Variants in GRIN2D observed in about 807,000 individuals in gnomAD.
The protein encoded by GRIN2D is glutamate receptor ionotropic, NMDA 2D.
In GRIN2D, 37 loss-of-function variants were observed where a neutral mutation model predicts 103.2. That is an observed-to-expected ratio of 0.36 (90% CI 0.28 to 0.47). The LOEUF is 0.47. Among genes scored for constraint, GRIN2D ranks in the 20% least tolerant of loss-of-function variants. GRIN2D has a pLI of 1.00. For synonymous variants in GRIN2D, 845 were observed against 885.6 expected, an observed-to-expected ratio of 0.95 and a Z score of 0.81; for missense variants, 1,557 against 1,910.6, an observed-to-expected ratio of 0.81 and a Z score of 3.45.
chr19:48,441,699 G>GAGGTTAC, intron 11 of GRIN2D, 70 bp from the exon 12 acceptor site: 1 of 1,295,694 alleles, frequency 7.7e-7, no homozygotes, highest in South Asian at 1.4e-5. Context: ...TACAGGTGAG[G>GAGGTTAC]AGGTTCCAGG....
At chr19:48,440,565 C>T (rs2147473598) in intron 11 of GRIN2D, among the ~76,000 whole-genome samples, 1 of 152,292 alleles carries the variant, frequency 6.6e-6, no homozygotes, top group East Asian at 1.9e-4. Flanking sequence ...TGCATTCCAG[C>T]TTGGGCAACA....
chr19:48,409,012 G>C (rs145126312), intron 4 of GRIN2D, among the ~76,000 whole-genome samples: 20 of 152,094 alleles, frequency 1.3e-4, no homozygotes, highest in Admixed American at 3.3e-4. Context: ...AAATTTGTTG[G>C]CTCTTGGTTC....
Position 48,421,948 on chromosome 19 carries a change from C to G in GRIN2D, c.2252+3C>G, listed in dbSNP as rs1971030038. The G allele has an allele frequency of 2.5e-6, 4 of 1,613,424 alleles. No homozygotes were observed. The highest frequency in any genetic ancestry group is 1.3e-5 in the African/African-American group (1 of 74,910). On this transcript the variant is annotated splice_donor_region_variant and intron_variant, in intron 11 of 13. Transcript: ENST00000263269. The surrounding 1 kb of genome is among the most constrained non-coding windows in gnomAD (Gnocchi z 4.8). ...GCGCTCACTCAGCTCAAGGCAGGGTCAGCGCAGACTCGGGCCGGGGGTGGG... is the reference window on the plus strand; with the variant it reads ...GCGCTCACTCAGCTCAAGGCAGGGTGAGCGCAGACTCGGGCCGGGGGTGGG...
At chr19:48,434,186 G>A (rs1332770462) in intron 11 of GRIN2D, among the ~76,000 whole-genome samples, 2 of 152,010 alleles carry the variant, frequency 1.3e-5, no homozygotes, top group East Asian at 1.9e-4. Flanking sequence ...TCCTGACCTC[G>A]TGATCCGCCT....
chr19:48,427,156 C>T (rs1971096165), intron 11 of GRIN2D, among the ~76,000 whole-genome samples: 1 of 151,494 alleles, frequency 6.6e-6, no homozygotes, highest in Non-Finnish European at 1.5e-5. Flanking sequence ...CCTGTCTCTA[C>T]AAAAAAATAC....
rs570250604 is a variant in GRIN2D at position 48,396,088 on chromosome 19, C to T, written c.-27+1152C>T. On this transcript the variant is annotated intron_variant, in intron 2 of 13. Transcript: ENST00000263269. ...AGGCTGGGAGCTCAGTCTCCTGAGTCCCTGACAGGGCAGGAGATGAGTGTT... is the reference window on the plus strand; with the variant it reads ...AGGCTGGGAGCTCAGTCTCCTGAGTTCCTGACAGGGCAGGAGATGAGTGTT... Among the ~76,000 whole-genome samples, 3 of 152,222 alleles carry T rather than the reference C, an allele frequency of 2.0e-5. No homozygotes were observed. In the South Asian group the frequency reaches 6.2e-4, roughly 32 times the overall value.
At chr19:48,433,138 A>C (rs1199075978) in intron 11 of GRIN2D, among the ~76,000 whole-genome samples, 1 of 146,822 alleles carries the variant, frequency 6.8e-6, no homozygotes, top group East Asian at 2.2e-4. Flanking sequence ...GAGGACGAGA[A>C]GGGCGGATTG....
chr19:48,405,958 G>A lies in GRIN2D; in HGVS notation c.1085+605G>A, dbSNP rs1970787200. Among the ~76,000 whole-genome samples, 1 of 152,122 alleles carries A rather than the reference G, an allele frequency of 6.6e-6. No individual in the cohort carries two copies. Among genetic ancestry groups the A allele is most frequent in the South Asian group, 2.1e-4 (1 of 4,824 alleles). Reference sequence around the variant, plus strand: ...TGAGAAGGGGAAAAGAGAGGAAGTGGACAGCAAGCACTTTCCTTTTGAGTA... The same window carrying A: ...TGAGAAGGGGAAAAGAGAGGAAGTGAACAGCAAGCACTTTCCTTTTGAGTA... On this transcript the variant is annotated intron_variant, in intron 4 of 13. Coordinates refer to ENST00000263269, the MANE Select transcript of GRIN2D (RefSeq NM_000836.4). This position sits in a 1 kb window ranked among gnomAD's most constrained non-coding sequence, Gnocchi z 5.1.
Position 48,442,639 on chromosome 19 carries a change from C to A in GRIN2D, c.2713C>A (p.Pro905Thr). 1 of 1,489,988 alleles carries A rather than the reference C, an allele frequency of 6.7e-7. No homozygotes were observed. The highest frequency in any genetic ancestry group is 8.9e-7 in the Non-Finnish European group (1 of 1,121,474). The allele number at this position is 1,489,988 out of a possible 1,614,324, so 92.3% of individuals were successfully genotyped here. The change falls in exon 14 of 14, where the codon CCC becomes ACC. Residue 905 changes from proline to threonine, a missense_variant. By Grantham distance (38) the Pro-to-Thr change is conservative (BLOSUM62 -1). Around this residue, in one of 7 missense-constraint regions of GRIN2D, gnomAD observed 632 missense variants for 572.8 expected, o/e 1.10. Transcript: ENST00000263269. The surrounding 1 kb of genome is among the most constrained non-coding windows in gnomAD (Gnocchi z 7.2). ...CTGCAGCGCTGAGGCCGCCCCACCG[C>A]CCGCCAAGCCCCCGCCGCCGCCACA... ...SCCSAEAAPP[P>T]AKPPPPPQPL...
chr19:48,443,682 G>T lies in GRIN2D; in HGVS notation c.3756G>T (p.Arg1252Ser). 1 of 1,220,378 alleles carries T rather than the reference G, an allele frequency of 8.2e-7. No individual in the cohort carries two copies. The allele number at this position is 1,220,378 out of a possible 1,614,324, so 75.6% of individuals were successfully genotyped here. The stretch of plus-strand genomic sequence containing the variant: ...CCGCCGCCGCGCCCCACCACCACAG[G>T]CACCGGCGCGCCGCTGGGGGCTGGG... Reference protein sequence around the residue: ...TPAAAAPHHHRHRRAAGGWDL... With the variant: ...TPAAAAPHHHSHRRAAGGWDL... The change falls in exon 14 of 14, where the codon AGG (arginine) becomes AGT (serine). Residue 1252 changes from arginine to serine, a missense_variant. Around this residue, in one of 7 missense-constraint regions of GRIN2D, gnomAD observed 632 missense variants for 572.8 expected, o/e 1.10. Transcript: ENST00000263269. This position sits in a 1 kb window ranked among gnomAD's most constrained non-coding sequence, Gnocchi z 8.9.
At chr19:48,422,018 G>T (rs1295516423) in intron 11 of GRIN2D, 73 bp downstream of exon 11, 6 of 1,476,844 alleles carry the variant, frequency 4.1e-6, no homozygotes. Flanking sequence ...ATGGCAAGGG[G>T]TCCAGGTTCA....
chr19:48,424,976 C>A (rs2147460682), intron 11 of GRIN2D, among the ~76,000 whole-genome samples: 1 of 152,204 alleles, frequency 6.6e-6, no homozygotes, highest in East Asian at 1.9e-4. Context: ...TTTCTTCTCG[C>A]CAGCCCTTCC....
At position 48,438,287 on chromosome 19, in the gene GRIN2D, C is replaced by CTTTTTTTTTTTTTTTTTTT. The variant is rs71181697; in HGVS notation, c.2253-3471_2253-3453dup. Among the ~76,000 whole-genome samples the CTTTTTTTTTTTTTTTTTTT allele has an allele frequency of 3.6e-4, 21 of 57,754 alleles. 5 individuals carry two copies. The highest frequency in any genetic ancestry group is 1.4e-3 in the African/African-American group (18 of 13,224). The allele number at this position is 57,754 out of a possible 152,430, so 37.9% of individuals were successfully genotyped here. On this transcript the variant is annotated intron_variant, in intron 11 of 13. Transcript: ENST00000263269. ...TCTCTTCAACTCAGCATCCAGCCGC[C>CTTTTTTTTTTTTTTTTTTT]TTTTTTTTTTTTTTTTTTTTTTTTT... is the stretch of plus-strand genomic sequence containing the variant.
Position 48,394,831 on chromosome 19 carries a change from C to G in GRIN2D, c.-132C>G, listed in dbSNP as rs558179661. On this transcript the variant is annotated 5_prime_UTR_variant, in exon 2 of 14. Coordinates refer to ENST00000263269, the MANE Select transcript of GRIN2D (RefSeq NM_000836.4). The surrounding 1 kb of genome is among the most constrained non-coding windows in gnomAD (Gnocchi z 5.1). The stretch of plus-strand genomic sequence containing the variant: ...CTGCCGCCGCCCCGGGGCCTGCCCC[C>G]CGACATCGGCTCTCTGAGCCCTCCT... The G allele has an allele frequency of 4.1e-4, 64 of 154,756 alleles. 1 individual carries two copies. In the South Asian group the frequency reaches 7.7e-3, roughly 19 times the overall value. The allele number at this position is 154,756 out of a possible 1,614,324, so 9.6% of individuals were successfully genotyped here.
chr19:48,416,294 TCATTTCTGAACC>T lies in GRIN2D; in HGVS notation c.1735+140_1735+151del, dbSNP rs1462572093. 30 of 658,836 alleles carry T rather than the reference TCATTTCTGAACC, an allele frequency of 4.6e-5. No individual in the cohort carries two copies. The African/African-American group carries it at 5.1e-4, about 11-fold the overall frequency. The allele number at this position is 658,836 out of a possible 1,614,324, so 40.8% of individuals were successfully genotyped here. A position where few individuals can be genotyped will look rare whatever the true frequency, so the allele number is the denominator to read the frequency against. On this transcript the variant is annotated intron_variant, in intron 8 of 13. Transcript: ENST00000263269. ...GCTGTGCAACTTCGGTGAAGTGACA[TCATTTCTGAACC>T]TCAGTTTCCTAATCTACAAGATGGA...
chr19:48,444,560 C>T lies in GRIN2D; in HGVS notation c.*623C>T, dbSNP rs1330170804. 1 of 152,858 alleles carries T rather than the reference C, an allele frequency of 6.5e-6. No homozygotes were observed. The highest frequency in any genetic ancestry group is 1.5e-5 in the Non-Finnish European group (1 of 68,460). 9.5% of individuals were successfully genotyped at this position (152,858 alleles called of 1,614,324 possible). ...CCTTGACATCAAACCGTGACACCCC[C>T]TCCTCCTCTTCCACCCTCGGTCGCT... On this transcript the variant is annotated 3_prime_UTR_variant, in exon 14 of 14. Coordinates refer to ENST00000263269, the MANE Select transcript of GRIN2D (RefSeq NM_000836.4). This position sits in a 1 kb window ranked among gnomAD's most constrained non-coding sequence, Gnocchi z 5.5.
chr19:48,407,197 T>C (rs1277767159), intron 4 of GRIN2D, among the ~76,000 whole-genome samples: 1 of 151,976 alleles, frequency 6.6e-6, no homozygotes, highest in African/African-American at 2.4e-5. Flanking sequence ...AGTCTCGAAC[T>C]CCTAACCTCA....
In GRIN2D at chr19:48,414,706, G is replaced by T; in HGVS notation, c.1412+122G>T. On this transcript the variant is annotated intron_variant, in intron 6 of 13. Coordinates refer to ENST00000263269, the MANE Select transcript of GRIN2D (RefSeq NM_000836.4). The surrounding 1 kb of genome is among the most constrained non-coding windows in gnomAD (Gnocchi z 4.6). Reference sequence around the variant, plus strand: ...GACCCACAAAGCCCTCCAGCTTGGTGACCTTAGGCAAACCTCAGAATTCTT... The same window carrying T: ...GACCCACAAAGCCCTCCAGCTTGGTTACCTTAGGCAAACCTCAGAATTCTT... 1 of 1,253,652 alleles carries T rather than the reference G, an allele frequency of 8.0e-7. No individual in the cohort carries two copies. Among genetic ancestry groups the T allele is most frequent in the South Asian group, 1.4e-5 (1 of 70,634 alleles). The allele number at this position is 1,253,652 out of a possible 1,614,324, so 77.7% of individuals were successfully genotyped here.
In GRIN2D at chr19:48,443,391, C is replaced by G; in HGVS notation, c.3465C>G (p.Val1155=). 1 of 1,449,618 alleles carries G rather than the reference C, an allele frequency of 6.9e-7. No homozygotes were observed. The highest frequency in any genetic ancestry group is 2.9e-5 in the East Asian group (1 of 34,736). 89.8% of individuals were successfully genotyped at this position (1,449,618 alleles called of 1,614,324 possible). Residue 1155 remains valine, a synonymous_variant, in exon 14 of 14, where the codon GTC becomes GTG. Coordinates refer to ENST00000263269, the MANE Select transcript of GRIN2D (RefSeq NM_000836.4). The surrounding 1 kb of genome is among the most constrained non-coding windows in gnomAD (Gnocchi z 8.9). ...LGPPPGRYWS[V]DKLGGWRAGS... ...CGCCGCCCGGCCGCTACTGGTCGGT[C>G]GACAAGCTCGGGGGCTGGCGCGCCG...
Sources: allele counts gnomAD v4.1 joint callset (sites outside exome capture counted in the v4.1 genomes callset), GRCh38; gene constraint gnomAD v4.1.1; regional missense constraint gnomAD v4.1.1; non-coding constraint Gnocchi (gnomAD v3.1); transcripts MANE v1.5; gene names NCBI Gene and HGNC (gene_info 2026-07-23, HGNC 2026-07-21).